ACCSL: variants seen among roughly 807,000 people sequenced by gnomAD.
ACCSL encodes probable inactive 1-aminocyclopropane-1-carboxylate synthase-like protein 2.
A neutral mutation model predicts 61.7 loss-of-function variants in ACCSL; 55 were observed. That is an observed-to-expected ratio of 0.89 (90% confidence interval 0.72 to 1.12). The LOEUF is 1.12. Ranked by LOEUF, ACCSL falls within the 50% of genes most tolerant of loss-of-function variation. The probability of loss-of-function intolerance (pLI) is 0.00; values close to 1 mark genes in which losing one functional copy is unlikely to be tolerated. For missense variants in ACCSL, 632 were observed against 698.0 expected (o/e 0.91, Z 1.07); for synonymous variants, 258 against 264.3 (o/e 0.98, Z 0.23).
the ACCSL span, among the ~76,000 whole-genome samples, chr11:43,930,807 T>TCA: frequency 3.7e-3 from 564 of 151,938 alleles, 5 homozygotes; most frequent in Non-Finnish European, 4.2e-3. Flanking sequence ...AAAAAAGTTT[T>TCA]CACACACACA....
At chr11:44,019,433 C>A in the ACCSL span, among the ~76,000 whole-genome samples, 2 of 152,204 alleles carry the variant, frequency 1.3e-5, no homozygotes, top group African/African-American at 4.8e-5. Flanking sequence ...TCCTTGCCAA[C>A]ACTTGTTACT....
chr11:44,013,337 T>A, the ACCSL span, among the ~76,000 whole-genome samples: 7 of 152,322 alleles, frequency 4.6e-5, no homozygotes, highest in East Asian at 1.3e-3. Context: ...TGGAGTGCAG[T>A]GGCGCAATCT....
the ACCSL span, among the ~76,000 whole-genome samples, chr11:43,957,621 T>G: frequency 2.6e-5 from 4 of 152,252 alleles, no homozygotes; most frequent in Non-Finnish European, 5.9e-5. Flanking sequence ...CAGGGCCATT[T>G]CAAAATATGA....
chr11:44,036,512 T>C, the ACCSL span, among the ~76,000 whole-genome samples: 5 of 152,192 alleles, frequency 3.3e-5, no homozygotes, highest in African/African-American at 4.8e-5. Context: ...CCAGGTGCTG[T>C]GGTGCACACC....
the ACCSL span, among the ~76,000 whole-genome samples, chr11:43,929,508 G>C: frequency 6.6e-6 from 1 of 152,286 alleles, no homozygotes; most frequent in Non-Finnish European, 1.5e-5. Flanking sequence ...CTGGGTTCAA[G>C]CAATTCTCCT....
At chr11:43,970,954 T>A in the ACCSL span, among the ~76,000 whole-genome samples, 1 of 152,206 alleles carries the variant, frequency 6.6e-6, no homozygotes, top group Non-Finnish European at 1.5e-5. Context: ...AATGAACCCT[T>A]CTATAGAAAG....
chr11:43,994,568 G>A, the ACCSL span, among the ~76,000 whole-genome samples: 1 of 152,014 alleles, frequency 6.6e-6, no homozygotes, highest in Non-Finnish European at 1.5e-5. Context: ...TAGTGGGTGA[G>A]TAGTTTCTTG....
rs1565158608 is a variant in ACCSL at position 44,051,371 on chromosome 11, CTGCAGGGCACCT to C, written c.673_684del (p.Cys225_Pro228del). 3.7e-6 allele frequency: 6 copies of C among 1,614,090 alleles called. No individual in the cohort carries two copies. The South Asian group carries it at 6.6e-5, about 18-fold the overall frequency. On this transcript the variant is annotated inframe_deletion, in exon 4 of 14. Transcript: ENST00000378832. Reference sequence around the variant, plus strand: ...AAGTGGCCCGGTTCCTGACCTACTACTGCAGGGCACCTACCCGACTTGACCCAGAAAATGTGA... The same window carrying C: ...AAGTGGCCCGGTTCCTGACCTACTACACCCGACTTGACCCAGAAAATGTGA...
the ACCSL span, among the ~76,000 whole-genome samples, chr11:44,025,902 A>T: frequency 6.6e-6 from 1 of 152,194 alleles, no homozygotes; most frequent in Non-Finnish European, 1.5e-5. Flanking sequence ...TCTGATGAAA[A>T]GTCAACTGCT....
At chr11:43,970,328 G>A in the ACCSL span, among the ~76,000 whole-genome samples, 289 of 152,218 alleles carry the variant, frequency 1.9e-3, 2 homozygotes, top group African/African-American at 6.5e-3. Context: ...ACCTCAGCCA[G>A]CCAAGTAGCT....
At chr11:43,950,022 T>C in the ACCSL span, among the ~76,000 whole-genome samples, 4 of 152,360 alleles carry the variant, frequency 2.6e-5, no homozygotes, top group African/African-American at 7.2e-5. Context: ...GCATATCTGA[T>C]TCTTTCCTCT....
At chr11:43,948,504 C>T in the ACCSL span, among the ~76,000 whole-genome samples, 1 of 152,068 alleles carries the variant, frequency 6.6e-6, no homozygotes, top group East Asian at 1.9e-4. Context: ...GACAGAATCT[C>T]CCTCTGTCAC....
At chr11:44,050,172 C>T (rs764310046) in intron 2 of ACCSL, 51 bp downstream of exon 2, 4 of 1,488,518 alleles carry the variant, frequency 2.7e-6, no homozygotes, top group Admixed American at 1.7e-5. Flanking sequence ...GGCTTAGTCC[C>T]CCTAGCGTGC....
chr11:43,973,408 A>G, the ACCSL span, among the ~76,000 whole-genome samples: 1 of 129,966 alleles, frequency 7.7e-6, no homozygotes, highest in South Asian at 2.7e-4. Context: ...TTTGGTTTTG[A>G]GATATCTATC....
chr11:44,024,411 A>ATC, the ACCSL span, among the ~76,000 whole-genome samples: 2 of 138,120 alleles, frequency 1.4e-5, no homozygotes, highest in East Asian at 2.2e-4. Flanking sequence ...TCCCATGTAT[A>ATC]TCTCTCTCTC....
chr11:44,023,368 T>G, the ACCSL span, among the ~76,000 whole-genome samples: 1 of 152,196 alleles, frequency 6.6e-6, no homozygotes, highest in Non-Finnish European at 1.5e-5. Flanking sequence ...CTTCTATTTC[T>G]TCTTGATTTA....
chr11:44,034,757 C>G, the ACCSL span, among the ~76,000 whole-genome samples: 1 of 152,264 alleles, frequency 6.6e-6, no homozygotes, highest in East Asian at 1.9e-4. Flanking sequence ...TGGGGACATA[C>G]CCAAACCATA....
At chr11:43,936,326 G>A in the ACCSL span, among the ~76,000 whole-genome samples, 176 of 152,326 alleles carry the variant, frequency 1.2e-3, no homozygotes, top group Non-Finnish European at 1.8e-3. Context: ...GAATTTCTTG[G>A]AACCTTTCCC....
the ACCSL span, among the ~76,000 whole-genome samples, chr11:43,960,604 C>T: frequency 6.6e-6 from 1 of 152,064 alleles, no homozygotes; most frequent in Non-Finnish European, 1.5e-5. Context: ...AGGCTGGTCT[C>T]GAACTCCTGA....
Sources: gnomAD v4.1 joint callset for allele counts (sites outside exome capture counted in the v4.1 genomes callset) on GRCh38, gnomAD v4.1.1 for gene constraint, MANE v1.5 for transcripts, NCBI Gene and HGNC (gene_info 2026-07-23, HGNC 2026-07-21) for gene names.